The following BNC2 variants were observed in gnomAD, a reference collection of about 807,000 sequenced individuals.
BNC2 encodes the protein basonuclin zinc finger protein 2, also known as zinc finger protein basonuclin-2.
BNC2 carries 20 observed loss-of-function variants against 76.3 expected under a neutral mutation model. That is an observed-to-expected ratio of 0.26 (90% CI 0.18 to 0.38). The LOEUF (loss-of-function observed/expected upper bound fraction) is 0.38, where lower values mean the gene tolerates loss of function less well. Among genes scored for constraint, BNC2 ranks in the 10% least tolerant of loss-of-function variants. The pLI, the probability that BNC2 is intolerant of heterozygous loss-of-function variation, is 1.00. For synonymous variants in BNC2, 582 were observed against 514.8 expected (o/e 1.13, Z -1.77); for missense variants, 1,382 against 1,399.8 (o/e 0.99, Z 0.20).
At chr9:16,513,815 G>A (rs946593461) in intron 5 of BNC2, among the ~76,000 whole-genome samples, 3 of 152,092 alleles carry the variant, frequency 2.0e-5, no homozygotes, top group African/African-American at 7.2e-5. Context: ...AGAGCTACAG[G>A]TGAAATACTA....
At chr9:16,804,839 G>A (rs1056955716) in intron 1 of BNC2, among the ~76,000 whole-genome samples, 51 of 152,066 alleles carry the variant, frequency 3.4e-4, no homozygotes, top group Admixed American at 3.1e-3. Flanking sequence ...CGAGGCAGGC[G>A]GATCACAAGG....
At chr9:16,845,603 C>A (rs570657794) in intron 1 of BNC2, among the ~76,000 whole-genome samples, 2 of 152,150 alleles carry the variant, frequency 1.3e-5, no homozygotes, top group Admixed American at 1.3e-4. Context: ...GGCCTGTAGT[C>A]CCAGCTACTT....
intron 5 of BNC2, among the ~76,000 whole-genome samples, chr9:16,483,655 G>C (rs1417465242): frequency 6.6e-6 from 1 of 152,168 alleles, no homozygotes; most frequent in Non-Finnish European, 1.5e-5. Context: ...ACTTTGAAAA[G>C]CATCTGCTTT....
rs566025669 is a variant in BNC2, at chr9:16,723,337, T to C, written c.330+4460A>G. 2.0e-3 allele frequency among the ~76,000 whole-genome samples: 302 copies of C among 152,182 alleles called. 2 individuals carry two copies. The highest frequency in any genetic ancestry group is 3.4e-3 in the Middle Eastern group (1 of 294). On this transcript the variant is annotated intron_variant, in intron 3 of 6. Coordinates refer to ENST00000380672, the MANE Select transcript of BNC2 (RefSeq NM_017637.6). ...TGATTAAATAAGAATATACATCCTA[T>C]GTAAAAAGGGATGTCTATTTGAGTG...
chr9:16,854,161 T>C (rs953627918), intron 1 of BNC2, among the ~76,000 whole-genome samples: 2 of 152,150 alleles, frequency 1.3e-5, no homozygotes, highest in African/African-American at 4.8e-5. Flanking sequence ...TTATTCTTGA[T>C]GTTCAAGTGT....
intron 1 of BNC2, among the ~76,000 whole-genome samples, chr9:16,820,374 C>A (rs1042543834): frequency 6.6e-6 from 1 of 151,614 alleles, no homozygotes; most frequent in Admixed American, 6.6e-5. Context: ...TGCAGTGAGC[C>A]GAGATCGCAC....
intron 3 of BNC2, among the ~76,000 whole-genome samples, chr9:16,707,402 GA>G (rs2134673321): frequency 6.6e-6 from 1 of 152,236 alleles, no homozygotes; most frequent in East Asian, 1.9e-4. Context: ...AGTCCAAACA[GA>G]TACACTTTTC....
chr9:16,850,041 T>C, intron 1 of BNC2, among the ~76,000 whole-genome samples: 1 of 152,302 alleles, frequency 6.6e-6, no homozygotes, highest in South Asian at 2.1e-4. Context: ...AAAAACAGAC[T>C]AGGTAGGTTA....
At chr9:16,608,531 G>C (rs1820447039) in intron 3 of BNC2, among the ~76,000 whole-genome samples, 1 of 152,030 alleles carries the variant, frequency 6.6e-6, no homozygotes, top group Non-Finnish European at 1.5e-5. Context: ...TAAAGAGATA[G>C]ACTCTTGTTG....
At position 16,693,636 on chromosome 9, in the gene BNC2, T is replaced by C. The variant is rs567587037; in HGVS notation, c.330+34161A>G. On this transcript the variant is annotated intron_variant, in intron 3 of 6. Coordinates refer to ENST00000380672, the MANE Select transcript of BNC2 (RefSeq NM_017637.6). ...AAAGCTCTACAGATCATAACTTAGT[T>C]TTAGAAAAGATATAACTTAAAACAA... 3.5e-4 allele frequency among the ~76,000 whole-genome samples: 54 copies of C among 152,238 alleles called. No homozygotes were observed. The South Asian group carries it at 0.011, about 32-fold the overall frequency.
At chr9:16,827,736 G>A (rs1389428150) in intron 1 of BNC2, among the ~76,000 whole-genome samples, 3 of 152,110 alleles carry the variant, frequency 2.0e-5, no homozygotes, top group Non-Finnish European at 4.4e-5. Context: ...TGGTACATAT[G>A]GGAAGAAGTG....
In BNC2 at chr9:16,727,912, T is replaced by A; in HGVS notation, c.215A>T (p.Asp72Val). 1 of 1,613,764 alleles carries A rather than the reference T, an allele frequency of 6.2e-7. No homozygotes were observed. ...PKRARDLTLR[D>V]SCTDNSMQFG... ...CTGCATGGAGTTGTCAGTACAGGAGTCTCTTAAAGTCAAGTCTCTTGCCCT... is the reference window on the plus strand; with the variant it reads ...CTGCATGGAGTTGTCAGTACAGGAGACTCTTAAAGTCAAGTCTCTTGCCCT... The change falls in exon 3 of 7, where the codon GAC becomes GTC. Residue 72 changes from aspartate (D) to valine (V), a missense_variant. By Grantham distance (152) the Asp-to-Val change is radical. Transcript: ENST00000380672.
chr9:16,715,714 T>A (rs1823980134), intron 3 of BNC2, among the ~76,000 whole-genome samples: 1 of 152,170 alleles, frequency 6.6e-6, no homozygotes. Context: ...TACCTCACTG[T>A]GGTTGAGACA....
chr9:16,518,579 T>TATA (rs1361749098), intron 5 of BNC2, among the ~76,000 whole-genome samples: 6,365 of 86,344 alleles, frequency 0.074, 500 homozygotes, highest in African/African-American at 0.22. Context: ...TATATATATA[T>TATA]TTTTTGTTGT....
intron 1 of BNC2, among the ~76,000 whole-genome samples, chr9:16,769,379 AAAG>A (rs914287078): frequency 1.3e-5 from 2 of 152,216 alleles, no homozygotes; most frequent in Admixed American, 1.3e-4. Flanking sequence ...ACAACAGGTT[AAAG>A]AAGAAGGATC....
In BNC2 at chr9:16,561,156, T is replaced by C. The variant is rs147785022; in HGVS notation, c.434-8391A>G. Reference sequence around the variant, plus strand: ...CAGGAGGCTGAGATAGGAGAATCTCTTGAACCCGGGAGGCAGAGGTGGCAG... The same window carrying C: ...CAGGAGGCTGAGATAGGAGAATCTCCTGAACCCGGGAGGCAGAGGTGGCAG... On this transcript the variant is annotated intron_variant, in intron 4 of 6. Transcript: ENST00000380672. 6.1e-3 allele frequency among the ~76,000 whole-genome samples: 935 copies of C among 152,184 alleles called. 17 individuals are homozygous for C. Among genetic ancestry groups the C allele is most frequent in the African/African-American group, 0.022 (894 of 41,532 alleles).
intron 3 of BNC2, among the ~76,000 whole-genome samples, chr9:16,639,743 C>A (rs969495556): frequency 6.6e-6 from 1 of 152,060 alleles, no homozygotes; most frequent in African/African-American, 2.4e-5. Flanking sequence ...ACAGCAAGAC[C>A]TCCATCTCTA....
chr9:16,504,131 G>A (rs915590681), intron 5 of BNC2, among the ~76,000 whole-genome samples: 1 of 151,874 alleles, frequency 6.6e-6, no homozygotes, highest in African/African-American at 2.4e-5. Context: ...ATTTATCTAA[G>A]TCATAGTTTC....
At chr9:16,422,443 GCTCTGCTCTTCATAACTTCAGTA>G (rs1007068798) in intron 6 of BNC2, among the ~76,000 whole-genome samples, 1 of 152,202 alleles carries the variant, frequency 6.6e-6, no homozygotes, top group African/African-American at 2.4e-5. Flanking sequence ...CAGTGCATTA[GCTCTGCTCTTCATAACTTCAGTA>G]CACGGGTTCA....
Sources: gnomAD v4.1 joint callset for allele counts (sites outside exome capture counted in the v4.1 genomes callset) on GRCh38, gnomAD v4.1.1 for gene constraint, MANE v1.5 for transcripts, NCBI Gene and HGNC (gene_info 2026-07-23, HGNC 2026-07-21) for gene names.